Variants in CADM2 observed in about 807,000 individuals in gnomAD.
CADM2 encodes the protein cell adhesion molecule 2.
Under a neutral mutation model 49.8 loss-of-function variants are expected in CADM2, and 12 were observed. That is an observed-to-expected ratio of 0.24 (90% CI 0.15 to 0.39). The LOEUF (loss-of-function observed/expected upper bound fraction) is 0.39, where lower values mean the gene tolerates loss of function less well. CADM2 is among the 10% of genes least tolerant of loss of function. The pLI, the probability that CADM2 is intolerant of heterozygous loss-of-function variation, is 1.00. For synonymous variants in CADM2, 214 were observed against 175.4 expected (o/e 1.22, Z -1.74); for missense variants, 378 against 492.3 (o/e 0.77, Z 2.20).
chr3:85,335,588 C>T (rs2045058869), intron 1 of CADM2, among the ~76,000 whole-genome samples: 1 of 151,206 alleles, frequency 6.6e-6, no homozygotes, highest in Non-Finnish European at 1.5e-5. Context: ...TCAAAATCCT[C>T]CCTTCTAGCT....
chr3:85,747,277 G>A (rs2068654839), intron 2 of CADM2, among the ~76,000 whole-genome samples: 1 of 151,744 alleles, frequency 6.6e-6, no homozygotes, highest in African/African-American at 2.4e-5. Context: ...CTTACGAGAT[G>A]GAAATTAAAT....
At chr3:85,927,204 A>G (rs528433961) in intron 6 of CADM2, among the ~76,000 whole-genome samples, 2 of 152,354 alleles carry the variant, frequency 1.3e-5, no homozygotes, top group Admixed American at 6.5e-5. Context: ...AACAAATTTA[A>G]TCAGTAGTTG....
chr3:85,930,948 T>C (rs1720513266), intron 6 of CADM2, among the ~76,000 whole-genome samples: 1 of 150,076 alleles, frequency 6.7e-6, no homozygotes, highest in Non-Finnish European at 1.5e-5. Context: ...GTTAATTAAT[T>C]AATAGTTCAG....
intron 8 of CADM2, among the ~76,000 whole-genome samples, chr3:85,984,158 G>T (rs1277242195): frequency 2.0e-5 from 3 of 149,504 alleles, no homozygotes; most frequent in Non-Finnish European, 4.5e-5. Context: ...TATCATATGT[G>T]TACATATATG....
At chr3:85,457,406 C>T (rs896979143) in intron 1 of CADM2, among the ~76,000 whole-genome samples, 1 of 151,478 alleles carries the variant, frequency 6.6e-6, no homozygotes, top group Non-Finnish European at 1.5e-5. Flanking sequence ...CAGCAAGACC[C>T]TGTCTCAAGG....
chr3:85,348,349 A>T (rs1199828516), intron 1 of CADM2, among the ~76,000 whole-genome samples: 1 of 152,196 alleles, frequency 6.6e-6, no homozygotes, highest in Non-Finnish European at 1.5e-5. Flanking sequence ...AGCAGCTTAA[A>T]TGTTAATCTT....
chr3:85,328,224 G>T (rs1459968096), intron 1 of CADM2, among the ~76,000 whole-genome samples: 1 of 151,996 alleles, frequency 6.6e-6, no homozygotes, highest in Non-Finnish European at 1.5e-5. Flanking sequence ...ATATCTTGTA[G>T]GTCAAAACTG....
At chr3:85,193,329 T>G (rs796244588) in intron 1 of CADM2, among the ~76,000 whole-genome samples, 13 of 150,424 alleles carry the variant, frequency 8.6e-5, no homozygotes, top group African/African-American at 3.2e-4. Context: ...AAGGAGTCTA[T>G]CTAAAAAATT....
intron 1 of CADM2, among the ~76,000 whole-genome samples, chr3:85,652,151 T>C (rs777175211): frequency 5.3e-5 from 8 of 151,964 alleles, no homozygotes; most frequent in Admixed American, 1.3e-4. Flanking sequence ...AAGATGTCAG[T>C]CTCGTTTACC....
At chr3:85,835,758 T>G in intron 3 of CADM2, among the ~76,000 whole-genome samples, 1 of 122,506 alleles carries the variant, frequency 8.2e-6, no homozygotes, top group South Asian at 2.6e-4. Flanking sequence ...ATATAATATA[T>G]AATATAATAT....
intron 1 of CADM2, among the ~76,000 whole-genome samples, chr3:85,193,646 CTA>C (rs2041266342): frequency 6.6e-6 from 1 of 152,008 alleles, no homozygotes. Context: ...CTCACTTTTC[CTA>C]CCCTAGGTTT....
intron 1 of CADM2, among the ~76,000 whole-genome samples, chr3:85,637,843 G>T (rs1483328767): frequency 2.6e-5 from 4 of 151,734 alleles, no homozygotes; most frequent in Admixed American, 1.3e-4. Flanking sequence ...AATATATGAG[G>T]GAAGACAAAT....
intron 1 of CADM2, among the ~76,000 whole-genome samples, chr3:85,440,190 A>G (rs1559841062): frequency 6.6e-6 from 1 of 152,176 alleles, no homozygotes; most frequent in African/African-American, 2.4e-5. Context: ...ATTTATATCA[A>G]ATCCCTTGAT....
chr3:85,855,837 A>C (rs2075297365), intron 3 of CADM2, among the ~76,000 whole-genome samples: 1 of 151,776 alleles, frequency 6.6e-6, no homozygotes, highest in South Asian at 2.1e-4. Flanking sequence ...TGTGTTAGCC[A>C]GGATGGTCTC....
At chr3:85,659,452 A>G (rs561071023) in intron 1 of CADM2, among the ~76,000 whole-genome samples, 1 of 152,130 alleles carries the variant, frequency 6.6e-6, no homozygotes, top group East Asian at 1.9e-4. Flanking sequence ...AAGTTAATCT[A>G]ACTAAAAGGA....
chr3:85,862,159 G>A (rs1340540610), intron 3 of CADM2, among the ~76,000 whole-genome samples: 1 of 152,030 alleles, frequency 6.6e-6, no homozygotes, highest in African/African-American at 2.4e-5. Flanking sequence ...AGCTAATGAT[G>A]TCTCATGTTA....
At chr3:85,876,357 A>G (rs1577538808) in intron 3 of CADM2, among the ~76,000 whole-genome samples, 2 of 152,180 alleles carry the variant, frequency 1.3e-5, no homozygotes. Flanking sequence ...ATACAGTTAT[A>G]GAATATTATA....
intron 1 of CADM2, among the ~76,000 whole-genome samples, chr3:84,994,477 C>G (rs1032297084): frequency 6.6e-6 from 1 of 152,092 alleles, no homozygotes; most frequent in Non-Finnish European, 1.5e-5. Flanking sequence ...ATTTCAGTCA[C>G]TATTTCTGTG....
At chr3:86,056,952 G>T (rs978911793) in intron 8 of CADM2, among the ~76,000 whole-genome samples, 1 of 152,068 alleles carries the variant, frequency 6.6e-6, no homozygotes, top group African/African-American at 2.4e-5. Context: ...GCTTTAACCC[G>T]TCATTGAAAA....
Sources: gnomAD v4.1 joint callset for allele counts (sites outside exome capture counted in the v4.1 genomes callset) on GRCh38, gnomAD v4.1.1 for gene constraint, MANE v1.5 for transcripts, NCBI Gene and HGNC (gene_info 2026-07-23, HGNC 2026-07-21) for gene names.